PHGDH: variants seen among roughly 807,000 people sequenced by gnomAD.
PHGDH encodes D-3-phosphoglycerate dehydrogenase.
In PHGDH, 50 loss-of-function variants were observed where a neutral mutation model predicts 52.6. The observed-to-expected ratio is 0.95, with a 90% CI of 0.76 to 1.20. The LOEUF (loss-of-function observed/expected upper bound fraction) is 1.20, where lower values mean the gene tolerates loss of function less well. PHGDH is among the 50% of genes most tolerant of loss of function. The pLI, the probability that PHGDH is intolerant of heterozygous loss-of-function variation, is 0.00. For missense variants in PHGDH, 630 were observed against 684.6 expected, an observed-to-expected ratio of 0.92 and a Z score of 0.89; for synonymous variants, 271 against 280.5, an observed-to-expected ratio of 0.97 and a Z score of 0.34.
rs753809125 is a variant in PHGDH at position 119,723,384 on chromosome 1, A to G, written c.299A>G (p.Asn100Ser). ...TTTTCTTTGATCTTTAGCACCCCCA[A>G]TGGGAACAGCCTCAGTGCCGCAGAA... The part of the protein sequence containing the change: ...RKGILVMNTP[N>S]GNSLSAAELT... The change falls in exon 3 of 12, where the codon AAT becomes AGT. Residue 100 changes from asparagine to serine, a missense_variant. Physicochemically the swap from Asn to Ser is conservative, Grantham distance 46 (BLOSUM62 1). Transcript: ENST00000641023. The G allele has an allele frequency of 3.1e-6, 5 of 1,613,468 alleles. No individual in the cohort carries two copies. Among genetic ancestry groups the G allele is most frequent in the Admixed American group, 1.7e-5 (1 of 60,012 alleles).
Position 119,742,809 on chromosome 1 carries a change from C to G in PHGDH, c.1212C>G (p.Val404=). Reference sequence around the variant, plus strand: ...GTCACCTTGCCTTCTCCACACAGGTCACCACCTCCCACAGCCCTGCTGCAC... The same window carrying G: ...GTCACCTTGCCTTCTCCACACAGGTGACCACCTCCCACAGCCCTGCTGCAC... ...KLLVKEAGLN[V]TTSHSPAAPG... Residue 404 remains valine, a splice_region_variant and synonymous_variant, in exon 11 of 12, where the codon GTC becomes GTG. Coordinates refer to ENST00000641023, the MANE Select transcript of PHGDH (RefSeq NM_006623.4). The G allele has an allele frequency of 6.3e-7, 1 of 1,598,646 alleles. No homozygotes were observed. The highest frequency in any genetic ancestry group is 8.5e-7 in the Non-Finnish European group (1 of 1,170,158).
chr1:119,721,130 C>G, intron 1 of PHGDH, 40 bp from the exon 2 acceptor site: 1 of 1,606,396 alleles, frequency 6.2e-7, no homozygotes, highest in Non-Finnish European at 8.5e-7. Context: ...CGAGTTCTCA[C>G]AGAATGACTT....
chr1:119,734,580 A>G, intron 5 of PHGDH, 54 bp from the exon 6 acceptor site: 4 of 1,566,466 alleles, frequency 2.6e-6, no homozygotes, highest in Non-Finnish European at 3.5e-6. Flanking sequence ...CTTAATAATA[A>G]CAATACTAAT....
At position 119,726,638 on chromosome 1, in the gene PHGDH, A is replaced by C. The variant is rs1651431928; in HGVS notation, c.357-213A>C. On this transcript the variant is annotated intron_variant, in intron 3 of 11. Transcript: ENST00000641023. ...CTCCCAGATGCCTGGCTGGTCACAG[A>C]AATCCCAGGCTTTCTAAGTCAGATC... The C allele has an allele frequency of 1.1e-5, 7 of 612,314 alleles. No individual in the cohort carries two copies. In the Admixed American group the frequency reaches 1.8e-4, roughly 16 times the overall value. 37.9% of individuals were successfully genotyped at this position (612,314 alleles called of 1,614,324 possible).
In PHGDH at chr1:119,735,352, G is replaced by C. The variant is rs368749884; in HGVS notation, c.701G>C (p.Cys234Ser). Residue 234 changes from cysteine to serine, a missense_variant, in exon 7 of 12, where the codon TGT (cysteine) becomes TCT (serine). Coordinates refer to ENST00000641023, the MANE Select transcript of PHGDH (RefSeq NM_006623.4). Reference protein sequence around the residue: ...QCKKGVRVVNCARGGIVDEGA... With the variant: ...QCKKGVRVVNSARGGIVDEGA... ...AAGAAGGGGGTGCGTGTGGTGAACT[G>C]TGCCCGTGGAGGGATCGTGGACGAA... The C allele has an allele frequency of 6.2e-7, 1 of 1,614,224 alleles. No individual in the cohort carries two copies. Among genetic ancestry groups the C allele is most frequent in the Non-Finnish European group, 8.5e-7 (1 of 1,180,046 alleles).
chr1:119,716,114 T>C (rs1650923214), intron 1 of PHGDH, among the ~76,000 whole-genome samples: 1 of 151,668 alleles, frequency 6.6e-6, no homozygotes, highest in Admixed American at 6.6e-5. Flanking sequence ...ATTGAATGAG[T>C]GGATAGAGTG....
At chr1:119,732,374 C>T (rs1287904579) in intron 5 of PHGDH, among the ~76,000 whole-genome samples, 1 of 152,216 alleles carries the variant, frequency 6.6e-6, no homozygotes, top group Non-Finnish European at 1.5e-5. Context: ...GGAACCCCTT[C>T]ATGTTTCTCC....
chr1:119,716,173 T>C (rs1425332995), intron 1 of PHGDH, among the ~76,000 whole-genome samples: 1 of 152,122 alleles, frequency 6.6e-6, no homozygotes, highest in Non-Finnish European at 1.5e-5. Flanking sequence ...CTCTGACTGA[T>C]GTGGGATGTC....
intron 5 of PHGDH, among the ~76,000 whole-genome samples, chr1:119,733,627 C>T (rs960337228): frequency 7.2e-5 from 11 of 152,116 alleles, no homozygotes; most frequent in African/African-American, 2.4e-4. Context: ...TGAGCAATGG[C>T]ACCCATCTTT....
Position 119,726,893 on chromosome 1 carries a change from G to C in PHGDH, c.399G>C (p.Trp133Cys), listed in dbSNP as rs1651447610. The C allele has an allele frequency of 6.2e-7, 1 of 1,614,212 alleles. No homozygotes were observed. Among genetic ancestry groups the C allele is most frequent in the Non-Finnish European group, 8.5e-7 (1 of 1,179,980 alleles). ...CGGCTTCGATGAAGGACGGCAAATG[G>C]GAGCGGAAGAAGGTGAGCAGCGGCC... ...QATASMKDGK[W>C]ERKKFMGTEL... The change falls in exon 4 of 12, where the codon TGG (tryptophan) becomes TGC (cysteine). Residue 133 changes from tryptophan (W) to cysteine (C), a missense_variant. Trp to Cys is a radical substitution (Grantham distance 215). Transcript: ENST00000641023.
chr1:119,734,996 C>A, intron 6 of PHGDH: 1 of 625,840 alleles, frequency 1.6e-6, no homozygotes, highest in Non-Finnish European at 2.8e-6. Flanking sequence ...CAACCAGTGA[C>A]CCCCATGGAT....
chr1:119,720,379 T>C (rs1651094588), intron 1 of PHGDH: 1 of 152,270 alleles, frequency 6.6e-6, no homozygotes, highest in Non-Finnish European at 1.5e-5. Context: ...GGAAATGTTT[T>C]TCTTTCAACA....
chr1:119,724,507 G>A (rs1044948547), intron 3 of PHGDH: 1 of 346,542 alleles, frequency 2.9e-6, no homozygotes, highest in Non-Finnish European at 5.6e-6. Flanking sequence ...AGGAGAAACA[G>A]GGATAGCTTA....
At chr1:119,712,223 G>C in intron 1 of PHGDH, 63 bp downstream of exon 1, 1 of 1,484,490 alleles carries the variant, frequency 6.7e-7, no homozygotes, top group South Asian at 1.2e-5. Flanking sequence ...GGCTGGCTGC[G>C]CCCAGGCCAG....
intron 5 of PHGDH, among the ~76,000 whole-genome samples, chr1:119,731,697 A>C (rs1225954456): frequency 6.6e-6 from 1 of 152,226 alleles, no homozygotes; most frequent in African/African-American, 2.4e-5. Context: ...TGCTGAAGAT[A>C]ATGCAACTAT....
intron 1 of PHGDH, chr1:119,719,720 G>A (rs1651069435): frequency 6.6e-6 from 1 of 152,180 alleles, no homozygotes; most frequent in South Asian, 2.1e-4. Context: ...GTCCATATTT[G>A]CTCCTATGCT....
At chr1:119,726,133 G>A (rs1293478514) in intron 3 of PHGDH, among the ~76,000 whole-genome samples, 1 of 151,412 alleles carries the variant, frequency 6.6e-6, no homozygotes, top group Non-Finnish European at 1.5e-5. Flanking sequence ...CACAGATGTA[G>A]ACTCAGACTT....
chr1:119,717,413 A>G (rs898380924), intron 1 of PHGDH, among the ~76,000 whole-genome samples: 1 of 151,946 alleles, frequency 6.6e-6, no homozygotes. Flanking sequence ...ATGTAACTGG[A>G]TTTGTCAATA....
At chr1:119,728,248 C>T (rs1468260523) in intron 5 of PHGDH, among the ~76,000 whole-genome samples, 1 of 152,134 alleles carries the variant, frequency 6.6e-6, no homozygotes, top group Non-Finnish European at 1.5e-5. Flanking sequence ...GATTACCTAT[C>T]CTGCCTCACA....
Sources: allele counts gnomAD v4.1 joint callset (sites outside exome capture counted in the v4.1 genomes callset), GRCh38; gene constraint gnomAD v4.1.1; transcripts MANE v1.5; gene names NCBI Gene and HGNC (gene_info 2026-07-23, HGNC 2026-07-21).